ROBO2: variants seen among roughly 807,000 people sequenced by gnomAD.
The protein encoded by ROBO2 is roundabout guidance receptor 2.
Under a neutral mutation model 160.8 loss-of-function variants are expected in ROBO2, and 53 were observed. That is an observed-to-expected ratio of 0.33 (90% CI 0.26 to 0.41). The LOEUF is 0.41. ROBO2 is among the 10% of genes least tolerant of loss of function. ROBO2 has a pLI of 1.00. For synonymous variants in ROBO2, 664 were observed against 611.7 expected (o/e 1.09, Z -1.26); for missense variants, 1,577 against 1,722.4 (o/e 0.92, Z 1.49).
In ROBO2 at chr3:76,781,145, A is replaced by T. The variant is rs10440078; in HGVS notation, c.110-316869A>T. ...GCTCTCTTACCTCCTTGGTTAAATG[A>T]ATTCATAAGTATTTTATTCCTTTTG... On this transcript the variant is annotated intron_variant, in intron 2 of 26. Transcript: ENST00000487694. Among the ~76,000 whole-genome samples, 1,470 of 150,710 alleles carry T rather than the reference A, an allele frequency of 9.8e-3. 22 individuals are homozygous for T. Among genetic ancestry groups the T allele is most frequent in the African/African-American group, 0.034 (1,387 of 41,294 alleles).
chr3:77,080,144 A>G (rs1321175912), intron 1 of ROBO2, among the ~76,000 whole-genome samples: 1 of 152,134 alleles, frequency 6.6e-6, no homozygotes, highest in Admixed American at 6.5e-5. Flanking sequence ...GTGTTATGCA[A>G]ATGAACCAAT....
intron 2 of ROBO2, among the ~76,000 whole-genome samples, chr3:76,260,845 G>C (rs2107592670): frequency 6.6e-6 from 1 of 152,186 alleles, no homozygotes; most frequent in African/African-American, 2.4e-5. Flanking sequence ...CTCAAAAACA[G>C]TGAAAGATAG....
intron 2 of ROBO2, among the ~76,000 whole-genome samples, chr3:76,183,738 C>T (rs1398559779): frequency 1.3e-5 from 2 of 151,982 alleles, no homozygotes; most frequent in Admixed American, 6.6e-5. Context: ...CACAACAGCC[C>T]TATGAGGCAG....
chr3:76,779,284 A>T lies in ROBO2; in HGVS notation c.110-318730A>T, dbSNP rs182192447. ...AAACTATCAATATCGTCAACGCCAA[A>T]AATATACCCGTCACCTCCCAAAGTT... is the stretch of plus-strand genomic sequence containing the variant. On this transcript the variant is annotated intron_variant, in intron 2 of 26. Coordinates refer to the ROBO2 transcript ENST00000487694. Among the ~76,000 whole-genome samples, 264 of 151,158 alleles carry T rather than the reference A, an allele frequency of 1.7e-3. 2 individuals are homozygous for T. Among genetic ancestry groups the T allele is most frequent in the African/African-American group, 6.2e-3 (257 of 41,402 alleles).
intron 2 of ROBO2, among the ~76,000 whole-genome samples, chr3:76,325,716 T>TAAA (rs71277583): frequency 4.1e-5 from 6 of 145,228 alleles, no homozygotes; most frequent in African/African-American, 1.5e-4. Flanking sequence ...AAGGCCAAAT[T>TAAA]AAAAAAAAAA....
intron 2 of ROBO2, among the ~76,000 whole-genome samples, chr3:77,402,678 C>T (rs1457264472): frequency 6.6e-6 from 1 of 151,886 alleles, no homozygotes; most frequent in Non-Finnish European, 1.5e-5. Flanking sequence ...GTGTACAACT[C>T]CAGTAAACAC....
intron 1 of ROBO2, among the ~76,000 whole-genome samples, chr3:77,087,518 T>C (rs140649443): frequency 4.6e-5 from 7 of 152,244 alleles, no homozygotes; most frequent in African/African-American, 1.7e-4. Flanking sequence ...TGAAATAGTA[T>C]TGGATGAATA....
chr3:76,247,922 A>T (rs1705722132), intron 2 of ROBO2, among the ~76,000 whole-genome samples: 1 of 151,872 alleles, frequency 6.6e-6, no homozygotes, highest in Non-Finnish European at 1.5e-5. Context: ...AGAGAAATGC[A>T]AATCAAAACC....
intron 16 of ROBO2, among the ~76,000 whole-genome samples, chr3:77,587,729 A>G (rs775736): frequency 0.63 from 95,475 of 151,810 alleles, 30,225 homozygotes; most frequent in Middle Eastern, 0.72. Context: ...TGCTATAGCT[A>G]AAACAAGGAA....
At chr3:76,744,669 A>G (rs901805115) in intron 2 of ROBO2, among the ~76,000 whole-genome samples, 3 of 151,938 alleles carry the variant, frequency 2.0e-5, no homozygotes, top group East Asian at 1.9e-4. Flanking sequence ...GCAAGAATTG[A>G]CCGCTTTTGA....
intron 2 of ROBO2, among the ~76,000 whole-genome samples, chr3:76,837,454 C>T (rs1246862993): frequency 4.0e-5 from 6 of 151,390 alleles, no homozygotes; most frequent in Admixed American, 4.0e-4. Context: ...CTTCCTATCC[C>T]TTGAAGAGTT....
At chr3:77,236,702 T>G (rs1397836855) in intron 2 of ROBO2, among the ~76,000 whole-genome samples, 1 of 152,216 alleles carries the variant, frequency 6.6e-6, no homozygotes, top group Non-Finnish European at 1.5e-5. Context: ...TTATCCATCC[T>G]TTCCACTAAC....
intron 2 of ROBO2, among the ~76,000 whole-genome samples, chr3:76,428,828 C>T (rs1399435411): frequency 1.3e-5 from 2 of 152,132 alleles, no homozygotes; most frequent in Non-Finnish European, 2.9e-5. Context: ...AAGCTGGTTC[C>T]TCGACCTTAC....
At chr3:76,393,532 T>G (rs1212404098) in intron 2 of ROBO2, among the ~76,000 whole-genome samples, 3 of 152,218 alleles carry the variant, frequency 2.0e-5, no homozygotes, top group African/African-American at 7.2e-5. Flanking sequence ...AACTTTGACC[T>G]ACTTCTATAT....
intron 1 of ROBO2, 34 bp downstream of exon 1, chr3:77,040,880 C>T: frequency 1.9e-6 from 3 of 1,605,028 alleles, no homozygotes; most frequent in Middle Eastern, 1.7e-4. Context: ...TTTTTTGCGC[C>T]CCCCACCCCC....
intron 17 of ROBO2, 119 bp from the exon 19 acceptor site, chr3:77,595,023 T>G: frequency 1.3e-6 from 1 of 754,994 alleles, no homozygotes; most frequent in Non-Finnish European, 2.3e-6. Context: ...TTAATTATAT[T>G]TTGTTAAAAT....
intron 2 of ROBO2, among the ~76,000 whole-genome samples, chr3:76,158,191 C>T (rs1331040669): frequency 6.6e-6 from 1 of 152,056 alleles, no homozygotes; most frequent in East Asian, 1.9e-4. Context: ...TGGAAGTCAC[C>T]TAATCTACAT....
At chr3:77,001,630 G>T (rs142701866) in intron 2 of ROBO2, among the ~76,000 whole-genome samples, 2 of 152,182 alleles carry the variant, frequency 1.3e-5, no homozygotes, top group African/African-American at 4.8e-5. Flanking sequence ...TCAAATCTAT[G>T]ATTCTTCTAG....
chr3:76,319,908 G>A (rs1343338805), intron 2 of ROBO2, among the ~76,000 whole-genome samples: 1 of 151,922 alleles, frequency 6.6e-6, no homozygotes, highest in African/African-American at 2.4e-5. Flanking sequence ...GTGTGGCATG[G>A]TGATATGGTC....
Sources: allele counts gnomAD v4.1 joint callset (sites outside exome capture counted in the v4.1 genomes callset), GRCh38; gene constraint gnomAD v4.1.1; transcripts MANE v1.5; gene names NCBI Gene and HGNC (gene_info 2026-07-23, HGNC 2026-07-21).